The following CPNE9 variants were observed in gnomAD, a reference collection of about 807,000 sequenced individuals.
CPNE9 encodes the protein copine-9.
In CPNE9, 59 loss-of-function variants were observed where a neutral mutation model predicts 83.0. The observed-to-expected ratio is 0.71, with a 90% CI of 0.58 to 0.88. The LOEUF is 0.88. Ranked by LOEUF, CPNE9 falls within the 40% of genes least tolerant of loss-of-function variation. The pLI, the probability that CPNE9 is intolerant of heterozygous loss-of-function variation, is 0.00. For synonymous variants in CPNE9, 256 were observed against 273.4 expected (o/e 0.94, Z 0.63); for missense variants, 619 against 720.8 (o/e 0.86, Z 1.62).
In CPNE9 at chr3:9,704,828, G is replaced by A. The variant is rs758945240; in HGVS notation, c.156+33G>A. On this transcript the variant is annotated intron_variant, in intron 3 of 20. Transcript: ENST00000383832. The surrounding 1 kb of genome is among the most constrained non-coding windows in gnomAD (Gnocchi z 7.1). ...CCAGAGCCCCCTCCCGGCCCAGGGCGTCGCCCGGGAATTCCCCTGCCCGTC... is the reference window on the plus strand; with the variant it reads ...CCAGAGCCCCCTCCCGGCCCAGGGCATCGCCCGGGAATTCCCCTGCCCGTC... 19 of 1,599,486 alleles carry A rather than the reference G, an allele frequency of 1.2e-5. No individual in the cohort carries two copies. In the East Asian group the frequency reaches 4.1e-4, roughly 34 times the overall value.
Position 9,715,417 on chromosome 3 carries a change from C to T in CPNE9, c.768+53C>T, listed in dbSNP as rs57601357. On this transcript the variant is annotated intron_variant, in intron 12 of 20. Coordinates refer to ENST00000383832, the MANE Select transcript of CPNE9 (RefSeq NM_153635.3). ...CCCAGGCCCTCCATCCCAGTGTGCT[C>T]AGTCTGGACCTCCCTTCCTTTGTTT... is the stretch of plus-strand genomic sequence containing the variant. 25,705 of 1,611,188 alleles carry T rather than the reference C, an allele frequency of 0.016. 3,093 individuals are homozygous for T. The African/African-American group carries it at 0.28, about 18-fold the overall frequency.
chr3:9,706,764 A>G (rs2076568410), intron 7 of CPNE9, among the ~76,000 whole-genome samples: 2 of 152,252 alleles, frequency 1.3e-5, no homozygotes, highest in South Asian at 4.1e-4. Context: ...CCTCACGGAC[A>G]GGTAACTTTG....
chr3:9,720,620 G>T (rs62245628), intron 17 of CPNE9, among the ~76,000 whole-genome samples: 1 of 152,122 alleles, frequency 6.6e-6, no homozygotes, highest in Non-Finnish European at 1.5e-5. Context: ...TGTATATACA[G>T]TTCTTTTCCT....
At chr3:9,715,427 C>T (rs758360438) in intron 12 of CPNE9, 46 bp from the exon 13 acceptor site, 26 of 1,610,972 alleles carry the variant, frequency 1.6e-5, no homozygotes, top group Non-Finnish European at 2.2e-5. Flanking sequence ...CAGTCTGGAC[C>T]TCCCTTCCTT....
At chr3:9,723,433 T>C (rs1406547321) in intron 17 of CPNE9, among the ~76,000 whole-genome samples, 3 of 151,642 alleles carry the variant, frequency 2.0e-5, no homozygotes, top group Non-Finnish European at 4.4e-5. Flanking sequence ...GATTGTGCCA[T>C]TGCACTCCAG....
intron 7 of CPNE9, among the ~76,000 whole-genome samples, chr3:9,712,332 T>TTCAC (rs2076638000): frequency 6.6e-6 from 1 of 152,194 alleles, no homozygotes; most frequent in Non-Finnish European, 1.5e-5. Context: ...TTGTGAGATG[T>TTCAC]TCACCTAAGC....
At chr3:9,711,661 A>C (rs940261875) in intron 7 of CPNE9, among the ~76,000 whole-genome samples, 2 of 152,240 alleles carry the variant, frequency 1.3e-5, no homozygotes, top group Non-Finnish European at 2.9e-5. Flanking sequence ...ACTGGAACCC[A>C]GGACCCTCCT....
chr3:9,722,756 C>T lies in CPNE9; in HGVS notation c.1242-3193C>T, dbSNP rs2076745663. ...TCTCAAACTCCTAGGCTCAAGGGAT[C>T]CTCTGATCTCAGCCTCCCAAAGCAT... On this transcript the variant is annotated intron_variant, in intron 17 of 20. Coordinates refer to ENST00000383832, the MANE Select transcript of CPNE9 (RefSeq NM_153635.3). 3.3e-5 allele frequency among the ~76,000 whole-genome samples: 5 copies of T among 152,152 alleles called. No homozygotes were observed. The South Asian group carries it at 1.0e-3, about 32-fold the overall frequency.
At chr3:9,728,925 C>G (rs1324884510) in intron 20 of CPNE9, among the ~76,000 whole-genome samples, 1 of 152,104 alleles carries the variant, frequency 6.6e-6, no homozygotes, top group African/African-American at 2.4e-5. Context: ...CTCCCCTGCT[C>G]CCTCCTTTCC....
At chr3:9,715,099 TCCC>T (rs546671159) in intron 11 of CPNE9, 144 bp downstream of exon 11, 2 of 909,576 alleles carry the variant, frequency 2.2e-6, no homozygotes, top group Non-Finnish European at 3.4e-6. Context: ...GTACAACTGA[TCCC>T]CCCAATTGTC....
At chr3:9,705,426 CCCAGCCCCA>C in intron 4 of CPNE9, 29 bp from the exon 5 acceptor site, 1 of 1,074,800 alleles carries the variant, frequency 9.3e-7, no homozygotes, top group South Asian at 1.4e-5. Context: ...CTCTCCCCCA[CCCAGCCCCA>C]CCCCACACCG....
In CPNE9 at chr3:9,713,087, C is replaced by G. The variant is rs1386746255; in HGVS notation, c.650+8C>G. 6.8e-6 allele frequency: 11 copies of G among 1,607,706 alleles called. No individual in the cohort carries two copies. Among genetic ancestry groups the G allele is most frequent in the Non-Finnish European group, 9.4e-6 (11 of 1,174,544 alleles). On this transcript the variant is annotated splice_region_variant and intron_variant, in intron 10 of 20. Transcript: ENST00000383832. ...CAATGGAGACTATGACAGGTTGGCT[C>G]CAGCATAAGCTGGGGAGTAAGGAGC...
chr3:9,725,907 T>C (rs1325537268), intron 17 of CPNE9, 42 bp from the exon 18 acceptor site: 1 of 1,477,986 alleles, frequency 6.8e-7, no homozygotes, highest in Admixed American at 1.7e-5. Flanking sequence ...TCCCTTGGCC[T>C]GTCTGGCTTT....
At chr3:9,716,804 G>A (rs1230811959) in intron 14 of CPNE9, among the ~76,000 whole-genome samples, 3 of 152,194 alleles carry the variant, frequency 2.0e-5, no homozygotes, top group Non-Finnish European at 4.4e-5. Context: ...CAGGGCTATA[G>A]TAAGGGTTAA....
chr3:9,714,740 A>ATGAAT (rs1382903829), intron 10 of CPNE9, among the ~76,000 whole-genome samples, 174 bp from the exon 11 acceptor site: 2 of 151,972 alleles, frequency 1.3e-5, no homozygotes, highest in East Asian at 3.9e-4. Context: ...GTGGTTGGGT[A>ATGAAT]CAGGCACAGA....
intron 6 of CPNE9, 107 bp from the exon 7 acceptor site, chr3:9,705,880 T>C (rs1559634720): frequency 2.2e-6 from 3 of 1,389,064 alleles, no homozygotes; most frequent in East Asian, 2.3e-5. Flanking sequence ...CTTGCACCAC[T>C]CATTCGCCTG....
intron 14 of CPNE9, among the ~76,000 whole-genome samples, chr3:9,716,372 C>G (rs901895657): frequency 6.6e-6 from 1 of 152,096 alleles, no homozygotes; most frequent in African/African-American, 2.4e-5. Flanking sequence ...CACAACCAAG[C>G]AGACTATAGG....
chr3:9,722,167 C>CCA (rs1014271454), intron 17 of CPNE9, among the ~76,000 whole-genome samples: 10 of 151,452 alleles, frequency 6.6e-5, no homozygotes, highest in Non-Finnish European at 1.3e-4. Flanking sequence ...TCCACCCCCC[C>CCA]CCGCCACCCG....
intron 10 of CPNE9, among the ~76,000 whole-genome samples, chr3:9,714,659 AAAAAAAAAAC>A (rs1575123598): frequency 4.1e-5 from 4 of 97,628 alleles, no homozygotes; most frequent in East Asian, 3.0e-4. Flanking sequence ...AAAAAAAAAA[AAAAAAAAAAC>A]CAACCAAACA....
Sources: gnomAD v4.1 joint callset for allele counts (sites outside exome capture counted in the v4.1 genomes callset) on GRCh38, gnomAD v4.1.1 for gene constraint, Gnocchi (gnomAD v3.1) non-coding constraint, MANE v1.5 for transcripts, NCBI Gene and HGNC (gene_info 2026-07-23, HGNC 2026-07-21) for gene names.